Variants in TENM2 observed in about 807,000 individuals in gnomAD.
TENM2 encodes teneurin transmembrane protein 2.
TENM2 carries 52 observed loss-of-function variants against 245.2 expected under a neutral mutation model. The observed-to-expected ratio is 0.21, with a 90% CI of 0.17 to 0.27. The LOEUF is 0.27. Among genes scored for constraint, TENM2 ranks in the 10% least tolerant of loss-of-function variants. The pLI is 1.00. For synonymous variants in TENM2, 1,363 were observed against 1,438.9 expected (o/e 0.95, Z 1.19); for missense variants, 3,046 against 3,666.8 (o/e 0.83, Z 4.37).
At chr5:167,263,562 C>T in the TENM2 span, among the ~76,000 whole-genome samples, 2 of 152,052 alleles carry the variant, frequency 1.3e-5, no homozygotes, top group Non-Finnish European at 2.9e-5. Context: ...TGGCAATTCC[C>T]CATAAGCTAA....
chr5:168,169,039 A>C (rs1758559990), intron 13 of TENM2, among the ~76,000 whole-genome samples: 1 of 152,326 alleles, frequency 6.6e-6, no homozygotes, highest in East Asian at 1.9e-4. Flanking sequence ...TATTATTATT[A>C]TTACAGTCCA....
intron 3 of TENM2, among the ~76,000 whole-genome samples, chr5:167,879,896 T>C (rs1046292699): frequency 6.6e-6 from 1 of 152,018 alleles, no homozygotes; most frequent in African/African-American, 2.4e-5. Context: ...TAAATGAAAA[T>C]AGTATATCAA....
intron 13 of TENM2, chr5:168,185,271 G>A (rs765564997): frequency 6.6e-6 from 1 of 152,140 alleles, no homozygotes; most frequent in African/African-American, 2.4e-5. Context: ...CTGCTTCTTA[G>A]CCACTTGGAT....
At chr5:167,503,521 T>A (rs2127559721) in intron 2 of TENM2, among the ~76,000 whole-genome samples, 1 of 151,754 alleles carries the variant, frequency 6.6e-6, no homozygotes, top group East Asian at 1.9e-4. Context: ...GTCTTCCTTT[T>A]TTTTTTTTGG....
At chr5:167,469,851 GT>G (rs1388398126) in intron 2 of TENM2, among the ~76,000 whole-genome samples, 1 of 151,772 alleles carries the variant, frequency 6.6e-6, no homozygotes, top group African/African-American at 2.4e-5. Context: ...TACGTTTATT[GT>G]TCTGAACAAG....
Position 168,198,173 on chromosome 5 carries a change from G to A in TENM2, c.2901-680G>A, listed in dbSNP as rs144798150. Among the ~76,000 whole-genome samples the A allele has an allele frequency of 4.3e-4, 61 of 142,910 alleles. 1 individual carries two copies. In the East Asian group the frequency reaches 0.011, roughly 27 times the overall value. The allele number at this position is 142,910 out of a possible 152,430, so 93.8% of individuals were successfully genotyped here. A position where few individuals can be genotyped will look rare whatever the true frequency, so the allele number is the denominator to read the frequency against. ...GATACATAAACAAATGGGTGTAACT[G>A]TATGCCAATGAACCCTTTTTTTTTT... On this transcript the variant is annotated intron_variant, in intron 15 of 28. Coordinates refer to ENST00000518659, the Ensembl canonical transcript of TENM2.
At chr5:167,980,486 G>T (rs1362047701) in intron 4 of TENM2, among the ~76,000 whole-genome samples, 1 of 152,128 alleles carries the variant, frequency 6.6e-6, no homozygotes, top group Admixed American at 6.5e-5. Context: ...CCTGGACATG[G>T]GGAGGAGCTT....
chr5:167,310,327 C>G (rs921977143), intron 1 of TENM2, among the ~76,000 whole-genome samples: 3 of 152,184 alleles, frequency 2.0e-5, no homozygotes, highest in Non-Finnish European at 4.4e-5. Context: ...TCTCACAGCT[C>G]CACTCATGCT....
chr5:167,068,699 T>C, the TENM2 span, among the ~76,000 whole-genome samples: 65 of 152,186 alleles, frequency 4.3e-4, no homozygotes, highest in Admixed American at 3.3e-4. Context: ...TGGTATCACA[T>C]ACATAATCAT....
intron 2 of TENM2, among the ~76,000 whole-genome samples, chr5:167,752,399 C>T (rs773659213): frequency 2.0e-5 from 3 of 151,592 alleles, no homozygotes; most frequent in Non-Finnish European, 4.4e-5. Flanking sequence ...CTTGTGTAAG[C>T]CACCGTACCT....
At chr5:167,686,523 A>G (rs1385830419) in intron 2 of TENM2, among the ~76,000 whole-genome samples, 1 of 152,208 alleles carries the variant, frequency 6.6e-6, no homozygotes, top group Non-Finnish European at 1.5e-5. Flanking sequence ...GAGGGCTTTA[A>G]AAATGGAAAC....
chr5:168,154,155 A>AAAC (rs1554209467), intron 12 of TENM2, among the ~76,000 whole-genome samples: 3 of 99,918 alleles, frequency 3.0e-5, no homozygotes, highest in Non-Finnish European at 8.5e-5. Flanking sequence ...TTTAAAAAAA[A>AAAC]AAAAAAAAAA....
intron 2 of TENM2, among the ~76,000 whole-genome samples, chr5:167,823,300 G>A (rs1767689690): frequency 6.6e-6 from 1 of 152,104 alleles, no homozygotes; most frequent in Admixed American, 6.5e-5. Context: ...AAAAATTGAT[G>A]TTTGGGCAGT....
At chr5:167,391,205 A>G (rs569651590) in intron 2 of TENM2, among the ~76,000 whole-genome samples, 21 of 152,268 alleles carry the variant, frequency 1.4e-4, no homozygotes, top group African/African-American at 3.6e-4. Context: ...TATCCATTTC[A>G]TCAAGAATTT....
rs183223897 is a variant in TENM2 at position 167,687,836 on chromosome 5, A to G, written c.503-188150A>G. 2.2e-4 allele frequency among the ~76,000 whole-genome samples: 34 copies of G among 152,286 alleles called. 1 individual carries two copies. The East Asian group carries it at 6.0e-3, about 27-fold the overall frequency. ...TGTGAGAAAACATTAGAATAAACAA[A>G]TAAGCCAAGAAAAAAAAGCACTTGA... On this transcript the variant is annotated intron_variant, in intron 2 of 28. Coordinates refer to ENST00000518659, the Ensembl canonical transcript of TENM2.
chr5:168,064,955 T>C (rs921404394), intron 7 of TENM2, among the ~76,000 whole-genome samples: 4 of 152,204 alleles, frequency 2.6e-5, no homozygotes, highest in Admixed American at 1.3e-4. Flanking sequence ...TGAACTACAT[T>C]TCCTCAAGGA....
intron 4 of TENM2, among the ~76,000 whole-genome samples, chr5:167,969,501 G>A (rs113700407): frequency 5.3e-5 from 8 of 152,050 alleles, no homozygotes; most frequent in African/African-American, 7.3e-5. Context: ...TATTAGCAGC[G>A]TAAGAACAGA....
Position 167,444,351 on chromosome 5 carries a change from A to G in TENM2, c.502+68878A>G, listed in dbSNP as rs183677399. 2.3e-3 allele frequency among the ~76,000 whole-genome samples: 355 copies of G among 152,114 alleles called. 1 individual carries two copies. Among genetic ancestry groups the G allele is most frequent in the African/African-American group, 8.1e-3 (335 of 41,520 alleles). On this transcript the variant is annotated intron_variant, in intron 2 of 28. Transcript: ENST00000518659. The stretch of plus-strand genomic sequence containing the variant: ...TTAATTCTGCCATGACAAAAATTAC[A>G]TTGGTGACTTTCACATGTAACAAAT...
At chr5:167,964,077 C>T (rs1040388626) in intron 4 of TENM2, among the ~76,000 whole-genome samples, 1 of 152,186 alleles carries the variant, frequency 6.6e-6, no homozygotes, top group African/African-American at 2.4e-5. Context: ...CTCCACCTTC[C>T]TCCCAGCCTA....
Sources: gnomAD v4.1 joint callset for allele counts (sites outside exome capture counted in the v4.1 genomes callset) on GRCh38, gnomAD v4.1.1 for gene constraint, MANE v1.5 for transcripts, NCBI Gene and HGNC (gene_info 2026-07-23, HGNC 2026-07-21) for gene names.